GLIS3: variants seen among roughly 807,000 people sequenced by gnomAD.
GLIS3 encodes zinc finger protein GLIS3.
Under a neutral mutation model 78.6 loss-of-function variants are expected in GLIS3, and 53 were observed. The ratio of observed to expected loss-of-function variants is 0.67; its 90% CI spans 0.54 to 0.85. The LOEUF is 0.85. Ranked by LOEUF, GLIS3 falls within the 40% of genes least tolerant of loss-of-function variation. The pLI is 0.00. For synonymous variants in GLIS3, 684 were observed against 509.9 expected, an observed-to-expected ratio of 1.34 and a Z score of -4.60; for missense variants, 1,703 against 1,231.1, an observed-to-expected ratio of 1.38 and a Z score of -5.74.
At chr9:4,364,425 G>T in the GLIS3 span, among the ~76,000 whole-genome samples, 1 of 151,940 alleles carries the variant, frequency 6.6e-6, no homozygotes, top group Non-Finnish European at 1.5e-5. Context: ...ATAGGAAATT[G>T]GTTAAATTGC....
intron 2 of GLIS3, among the ~76,000 whole-genome samples, chr9:4,151,390 G>C (rs529516352): frequency 2.4e-4 from 37 of 152,304 alleles, no homozygotes; most frequent in African/African-American, 8.9e-4. Flanking sequence ...GGTTTTATTA[G>C]AACTAGTGCC....
chr9:3,992,172 T>G (rs766512811), intron 4 of GLIS3, among the ~76,000 whole-genome samples: 5 of 152,210 alleles, frequency 3.3e-5, no homozygotes, highest in Non-Finnish European at 7.3e-5. Context: ...ATGTAACATT[T>G]GGAGGACAAG....
chr9:4,437,221 A>G, the GLIS3 span, among the ~76,000 whole-genome samples: 2 of 152,204 alleles, frequency 1.3e-5, no homozygotes, highest in Admixed American at 1.3e-4. Flanking sequence ...AGATCTTTAA[A>G]TACTACTTTT....
At chr9:4,142,339 G>C (rs1328504715) in intron 2 of GLIS3, among the ~76,000 whole-genome samples, 2 of 152,184 alleles carry the variant, frequency 1.3e-5, no homozygotes, top group Non-Finnish European at 2.9e-5. Context: ...TCTTAGAAGA[G>C]AGTAAATAAC....
the GLIS3 span, among the ~76,000 whole-genome samples, chr9:4,450,446 A>T: frequency 4.6e-5 from 7 of 152,228 alleles, no homozygotes; most frequent in East Asian, 3.9e-4. Flanking sequence ...CCAGGAGAAC[A>T]TCCCCAACCT....
chr9:4,467,203 G>C, the GLIS3 span, among the ~76,000 whole-genome samples: 2 of 152,188 alleles, frequency 1.3e-5, no homozygotes, highest in Admixed American at 1.3e-4. Context: ...CCACCTCTGG[G>C]GGCAGGGAAT....
At chr9:4,361,363 G>A in the GLIS3 span, among the ~76,000 whole-genome samples, 4 of 152,192 alleles carry the variant, frequency 2.6e-5, no homozygotes, top group Non-Finnish European at 5.9e-5. Flanking sequence ...TTGCATTAAA[G>A]TTAAACTTCT....
rs1173014820 is a variant in GLIS3, at chr9:4,074,781, C to T, written c.1710+42987G>A. ...CTCCTGGTCTCAGCCATCTCTGTCA[C>T]TTCCAAAGCCACCATGATCTTGGTA... On this transcript the variant is annotated intron_variant, in intron 4 of 10. Transcript: ENST00000381971. Among the ~76,000 whole-genome samples, 3 of 152,228 alleles carry T rather than the reference C, an allele frequency of 2.0e-5. No homozygotes were observed. The East Asian group carries it at 5.8e-4, about 29-fold the overall frequency.
At chr9:4,194,396 T>TA (rs1391554737) in intron 2 of GLIS3, among the ~76,000 whole-genome samples, 1 of 151,990 alleles carries the variant, frequency 6.6e-6, no homozygotes. Flanking sequence ...AGGTAAAAAA[T>TA]AAAAAAATTA....
At chr9:4,014,856 G>C (rs1291376158) in intron 4 of GLIS3, among the ~76,000 whole-genome samples, 2 of 152,172 alleles carry the variant, frequency 1.3e-5, no homozygotes, top group African/African-American at 4.8e-5. Context: ...TACTGGCAGA[G>C]CTAGGACAAT....
chr9:4,435,737 C>T, the GLIS3 span, among the ~76,000 whole-genome samples: 1 of 152,136 alleles, frequency 6.6e-6, no homozygotes, highest in East Asian at 1.9e-4. Context: ...ATCATGAGGT[C>T]AGGAGATGGA....
intron 4 of GLIS3, among the ~76,000 whole-genome samples, chr9:3,974,574 A>G (rs1337856227): frequency 6.6e-6 from 1 of 152,186 alleles, no homozygotes; most frequent in Non-Finnish European, 1.5e-5. Flanking sequence ...AATCAGCACC[A>G]TTTGTGCCCG....
chr9:3,891,066 C>CAAAAAAAA lies in GLIS3; in HGVS notation c.2128+7617_2128+7624dup, dbSNP rs58449134. ...AGGCTTCCACTTTTCCTTCCTTCCT[C>CAAAAAAAA]AAAAAAAAAAAAAAAGAAGAAGAAG... On this transcript the variant is annotated intron_variant, in intron 7 of 10. Coordinates refer to ENST00000381971, the MANE Select transcript of GLIS3 (RefSeq NM_001042413.2). Among the ~76,000 whole-genome samples the CAAAAAAAA allele has an allele frequency of 1.1e-4, 14 of 126,958 alleles. 1 individual carries two copies. Among genetic ancestry groups the CAAAAAAAA allele is most frequent in the African/African-American group, 3.5e-4 (12 of 34,370 alleles). 83.3% of individuals were successfully genotyped at this position (126,958 alleles called of 152,430 possible).
At chr9:4,277,734 T>C (rs1827157851) in intron 2 of GLIS3, among the ~76,000 whole-genome samples, 1 of 152,244 alleles carries the variant, frequency 6.6e-6, no homozygotes, top group African/African-American at 2.4e-5. Flanking sequence ...CTCCGGGTAC[T>C]ACAAATGTAA....
At chr9:4,154,243 G>A (rs772551468) in intron 2 of GLIS3, among the ~76,000 whole-genome samples, 44 of 152,162 alleles carry the variant, frequency 2.9e-4, no homozygotes, top group Non-Finnish European at 1.9e-4. Context: ...AGGGGGTAGA[G>A]AAATAGACTC....
chr9:4,059,082 G>C (rs992062323), intron 4 of GLIS3, among the ~76,000 whole-genome samples: 2 of 152,100 alleles, frequency 1.3e-5, no homozygotes, highest in African/African-American at 2.4e-5. Flanking sequence ...ATCTATAGTT[G>C]ATCTAGGTCT....
chr9:4,474,697 ATTTT>A, the GLIS3 span, among the ~76,000 whole-genome samples: 1 of 128,304 alleles, frequency 7.8e-6, no homozygotes, highest in Non-Finnish European at 1.7e-5. Context: ...GTCCAAAGCA[ATTTT>A]TTTTTTTTTT....
At chr9:3,960,225 G>A (rs551420332) in intron 4 of GLIS3, among the ~76,000 whole-genome samples, 1 of 152,124 alleles carries the variant, frequency 6.6e-6, no homozygotes, top group East Asian at 1.9e-4. Context: ...TAAATATGAA[G>A]ATGGCCATCT....
At chr9:4,056,886 C>G (rs1016115161) in intron 4 of GLIS3, among the ~76,000 whole-genome samples, 1 of 146,332 alleles carries the variant, frequency 6.8e-6, no homozygotes, top group Non-Finnish European at 1.5e-5. Flanking sequence ...AAAGCTGCTC[C>G]TCTTCAAGAC....
Sources: gnomAD v4.1 joint callset for allele counts (sites outside exome capture counted in the v4.1 genomes callset) on GRCh38, gnomAD v4.1.1 for gene constraint, MANE v1.5 for transcripts, NCBI Gene and HGNC (gene_info 2026-07-23, HGNC 2026-07-21) for gene names.